The following STPG2 variants were observed in gnomAD, a reference collection of about 807,000 sequenced individuals.
The protein encoded by STPG2 is sperm-tail PG-rich repeat-containing protein 2.
A neutral mutation model predicts 54.2 loss-of-function variants in STPG2; 56 were observed. The ratio of observed to expected loss-of-function variants is 1.03; its 90% confidence interval spans 0.83 to 1.29. The LOEUF (loss-of-function observed/expected upper bound fraction) is 1.29. STPG2 is among the 50% of genes most tolerant of loss of function. STPG2 has a pLI of 0.00. For missense variants in STPG2, 596 were observed against 544.9 expected, an observed-to-expected ratio of 1.09 and a Z score of -0.93; for synonymous variants, 200 against 181.8, an observed-to-expected ratio of 1.10 and a Z score of -0.81.
At chr4:97,516,335 C>T (rs1332805982) in intron 4 of STPG2, among the ~76,000 whole-genome samples, 1 of 152,060 alleles carries the variant, frequency 6.6e-6, no homozygotes, top group Non-Finnish European at 1.5e-5. Flanking sequence ...GAAACAGACT[C>T]ATCTAACCCA....
intron 7 of STPG2, among the ~76,000 whole-genome samples, chr4:97,948,820 T>C (rs1733351133): frequency 6.6e-6 from 1 of 152,124 alleles, no homozygotes; most frequent in African/African-American, 2.4e-5. Context: ...GAGACTTGTT[T>C]TGTGGTGTGT....
At chr4:97,560,487 G>A (rs892502328) in intron 10 of STPG2, among the ~76,000 whole-genome samples, 3 of 152,134 alleles carry the variant, frequency 2.0e-5, no homozygotes, top group African/African-American at 4.8e-5. Flanking sequence ...CTTTGTAAAT[G>A]TAAGGGAATA....
chr4:98,120,718 G>A (rs1327731989), intron 3 of STPG2, among the ~76,000 whole-genome samples: 2 of 152,160 alleles, frequency 1.3e-5, no homozygotes, highest in Non-Finnish European at 2.9e-5. Context: ...CTTTTGAGGA[G>A]TGTCTGTTCA....
At chr4:97,591,901 C>A (rs1733155181) in intron 10 of STPG2, among the ~76,000 whole-genome samples, 1 of 152,102 alleles carries the variant, frequency 6.6e-6, no homozygotes, top group Non-Finnish European at 1.5e-5. Context: ...ACTAGATGTT[C>A]TTTTTATGAA....
chr4:97,957,732 C>T (rs962250427), intron 7 of STPG2, among the ~76,000 whole-genome samples: 6 of 152,066 alleles, frequency 3.9e-5, no homozygotes, highest in Admixed American at 1.3e-4. Context: ...CAGCAGAAAC[C>T]CTACAAGCTA....
At position 97,959,123 on chromosome 4, in the gene STPG2, C is replaced by A. The variant is rs180702119; in HGVS notation, c.933+13157G>T. ...ATTAAATAATATGCTCCTGAATGAT[C>A]ACTGGGTCAACAATGAAATCAAGAT... On this transcript the variant is annotated intron_variant, in intron 7 of 10. Transcript: ENST00000295268. Among the ~76,000 whole-genome samples the A allele has an allele frequency of 1.4e-3, 214 of 152,202 alleles. 2 individuals carry two copies. Among genetic ancestry groups the A allele is most frequent in the Admixed American group, 2.6e-3 (40 of 15,278 alleles).
chr4:97,953,520 G>A (rs1396306978), intron 7 of STPG2, among the ~76,000 whole-genome samples: 1 of 152,162 alleles, frequency 6.6e-6, no homozygotes, highest in East Asian at 1.9e-4. Flanking sequence ...CCCTGCCTGA[G>A]TTAACTAGAA....
At chr4:97,799,348 T>A (rs1424216596) in intron 9 of STPG2, among the ~76,000 whole-genome samples, 1 of 152,238 alleles carries the variant, frequency 6.6e-6, no homozygotes, top group Non-Finnish European at 1.5e-5. Flanking sequence ...GTTTAGTGCT[T>A]CCTTCAGGAG....
intron 9 of STPG2, among the ~76,000 whole-genome samples, chr4:97,745,179 C>T (rs1725383384): frequency 6.7e-6 from 1 of 149,508 alleles, no homozygotes; most frequent in Admixed American, 6.7e-5. Flanking sequence ...TGAGTCTAAG[C>T]TAGAACTACT....
intron 8 of STPG2, among the ~76,000 whole-genome samples, chr4:97,864,679 T>C (rs1335976332): frequency 6.6e-6 from 1 of 152,146 alleles, no homozygotes; most frequent in Admixed American, 6.6e-5. Context: ...TCACACTACC[T>C]GACTTCAAAC....
chr4:98,038,408 C>T lies in STPG2; in HGVS notation c.613-57090G>A, dbSNP rs112680704. ...CAAATAGAAATCTCAGAAGTGGAAA[C>T]AATTTTTTTTTATTTTATTTCATTT... On this transcript the variant is annotated intron_variant, in intron 5 of 10. Transcript: ENST00000295268. Among the ~76,000 whole-genome samples the T allele has an allele frequency of 5.2e-3, 789 of 151,506 alleles. 4 individuals are homozygous for T. The highest frequency in any genetic ancestry group is 0.02 in the Middle Eastern group (6 of 294).
chr4:97,546,633 G>A (rs1731839502), intron 4 of STPG2, among the ~76,000 whole-genome samples: 1 of 152,054 alleles, frequency 6.6e-6, no homozygotes, highest in African/African-American at 2.4e-5. Flanking sequence ...CTGACAAGCA[G>A]AATGGATCTA....
intron 8 of STPG2, among the ~76,000 whole-genome samples, chr4:97,939,407 G>A (rs538087385): frequency 1.2e-3 from 184 of 152,296 alleles, no homozygotes; most frequent in African/African-American, 4.2e-3. Flanking sequence ...CGTCAGTGGG[G>A]TGTTGAAGTC....
At chr4:97,722,567 C>T (rs1194843239) in intron 9 of STPG2, among the ~76,000 whole-genome samples, 1 of 151,648 alleles carries the variant, frequency 6.6e-6, no homozygotes, top group Non-Finnish European at 1.5e-5. Context: ...TTTTGATATT[C>T]TACATATATT....
chr4:97,976,169 T>A (rs1436944359), intron 6 of STPG2, among the ~76,000 whole-genome samples: 1 of 152,198 alleles, frequency 6.6e-6, no homozygotes, highest in Non-Finnish European at 1.5e-5. Context: ...AAAATTCTGT[T>A]GTGCCAACTC....
At chr4:98,065,210 A>G (rs1232858976) in intron 5 of STPG2, among the ~76,000 whole-genome samples, 1 of 152,224 alleles carries the variant, frequency 6.6e-6, no homozygotes, top group African/African-American at 2.4e-5. Context: ...TATCTATGCT[A>G]TAATTTCTAT....
chr4:97,770,218 A>G (rs1726177956), intron 9 of STPG2, among the ~76,000 whole-genome samples: 2 of 152,204 alleles, frequency 1.3e-5, no homozygotes, highest in Non-Finnish European at 2.9e-5. Flanking sequence ...CTCAAAAAAT[A>G]AAATAAAATA....
At chr4:97,609,257 A>G (rs1015464190) in intron 10 of STPG2, among the ~76,000 whole-genome samples, 2 of 152,024 alleles carry the variant, frequency 1.3e-5, no homozygotes, top group Non-Finnish European at 2.9e-5. Flanking sequence ...AGCTACATGT[A>G]TATCTTCTTA....
intron 4 of STPG2, among the ~76,000 whole-genome samples, chr4:97,470,747 T>C (rs757435033): frequency 2.6e-5 from 4 of 152,128 alleles, no homozygotes; most frequent in Admixed American, 6.6e-5. Flanking sequence ...CTTGTGATAA[T>C]GTGAGATGAT....
Sources: allele counts gnomAD v4.1 joint callset (sites outside exome capture counted in the v4.1 genomes callset), GRCh38; gene constraint gnomAD v4.1.1; transcripts MANE v1.5; gene names NCBI Gene and HGNC (gene_info 2026-07-23, HGNC 2026-07-21).